The following MAP7 variants were observed in gnomAD, a reference collection of about 807,000 sequenced individuals.
MAP7 encodes ensconsin.
In MAP7, 52 loss-of-function variants were observed where a neutral mutation model predicts 94.8. That is an observed-to-expected ratio of 0.55 (90% CI 0.44 to 0.69). The LOEUF (loss-of-function observed/expected upper bound fraction) is 0.69. Among genes scored for constraint, MAP7 ranks in the 30% least tolerant of loss-of-function variants. The pLI is 0.00. For synonymous variants in MAP7, 350 were observed against 357.0 expected, an observed-to-expected ratio of 0.98 and a Z score of 0.22; for missense variants, 940 against 964.6, an observed-to-expected ratio of 0.97 and a Z score of 0.34.
At chr6:136,355,491 T>A (rs1051833732) in intron 16 of MAP7, among the ~76,000 whole-genome samples, 2 of 152,122 alleles carry the variant, frequency 1.3e-5, no homozygotes, top group Non-Finnish European at 1.5e-5. Flanking sequence ...AATTCCACAG[T>A]CTCAGAAAGA....
chr6:136,388,000 T>C (rs1204577888), intron 5 of MAP7, among the ~76,000 whole-genome samples: 1 of 152,212 alleles, frequency 6.6e-6, no homozygotes, highest in African/African-American at 2.4e-5. Flanking sequence ...CATAAGCTCA[T>C]AGTATTGATT....
At chr6:136,382,190 T>C (rs908056855) in intron 6 of MAP7, among the ~76,000 whole-genome samples, 1 of 152,216 alleles carries the variant, frequency 6.6e-6, no homozygotes, top group African/African-American at 2.4e-5. Context: ...AGAATACATC[T>C]TTCTAATTGA....
chr6:136,349,804 C>A (rs1002399548), intron 16 of MAP7, among the ~76,000 whole-genome samples: 1 of 152,002 alleles, frequency 6.6e-6, no homozygotes, highest in Non-Finnish European at 1.5e-5. Context: ...GGCTTTGGGG[C>A]AAAGGGGCCA....
intron 6 of MAP7, among the ~76,000 whole-genome samples, chr6:136,379,888 A>G (rs781398252): frequency 4.6e-5 from 7 of 152,240 alleles, no homozygotes; most frequent in Non-Finnish European, 8.8e-5. Context: ...TAGGAGAAAC[A>G]TGTTTCCACT....
At chr6:136,525,996 T>C in intron 1 of MAP7, 1 of 1,490,014 alleles carries the variant, frequency 6.7e-7, no homozygotes, top group Non-Finnish European at 8.8e-7. Flanking sequence ...TTTTTTTAAT[T>C]GTGATTATAT....
chr6:136,372,809 C>T (rs941883620), intron 7 of MAP7, among the ~76,000 whole-genome samples, 184 bp from the exon 8 acceptor site: 3 of 152,102 alleles, frequency 2.0e-5, no homozygotes, highest in African/African-American at 7.2e-5. Context: ...ACTCAACTGT[C>T]CTTACAGTCC....
chr6:136,535,612 G>A (rs950033313), intron 1 of MAP7, among the ~76,000 whole-genome samples: 1 of 152,104 alleles, frequency 6.6e-6, no homozygotes, highest in African/African-American at 2.4e-5. Context: ...AAGCCACACT[G>A]AGAATTGTCA....
intron 1 of MAP7, among the ~76,000 whole-genome samples, chr6:136,493,733 C>T (rs769056770): frequency 3.3e-5 from 5 of 152,144 alleles, no homozygotes; most frequent in Non-Finnish European, 7.4e-5. Context: ...AGCATTGTAT[C>T]GTTCTCATTG....
intron 1 of MAP7, among the ~76,000 whole-genome samples, chr6:136,448,291 C>G (rs998237127): frequency 6.6e-6 from 1 of 152,194 alleles, no homozygotes; most frequent in Admixed American, 6.5e-5. Flanking sequence ...GCGGGAAAAA[C>G]ATTACATATG....
intron 1 of MAP7, among the ~76,000 whole-genome samples, chr6:136,536,823 A>T (rs1828924473): frequency 6.6e-6 from 1 of 152,256 alleles, no homozygotes; most frequent in Admixed American, 6.5e-5. Context: ...ATGTTTCCAG[A>T]TAGGTACATC....
At chr6:136,496,362 T>G (rs974591097) in intron 1 of MAP7, among the ~76,000 whole-genome samples, 1 of 152,194 alleles carries the variant, frequency 6.6e-6, no homozygotes. Flanking sequence ...AACTAATAAA[T>G]GGATAGGATG....
intron 5 of MAP7, among the ~76,000 whole-genome samples, chr6:136,384,141 G>A (rs1444896705): frequency 6.6e-6 from 1 of 152,106 alleles, no homozygotes; most frequent in Non-Finnish European, 1.5e-5. Context: ...TCCAAAAGAA[G>A]GAACAATGGA....
At chr6:136,461,634 A>C (rs1805249116) in intron 1 of MAP7, among the ~76,000 whole-genome samples, 1 of 152,206 alleles carries the variant, frequency 6.6e-6, no homozygotes, top group African/African-American at 2.4e-5. Context: ...ACGATCCAGA[A>C]ATGGATTAAG....
intron 1 of MAP7, among the ~76,000 whole-genome samples, chr6:136,473,324 C>T (rs1451484294): frequency 2.0e-5 from 3 of 152,182 alleles, no homozygotes; most frequent in African/African-American, 7.2e-5. Context: ...TCAAGAAACA[C>T]CCTAAACTGC....
intron 3 of MAP7, among the ~76,000 whole-genome samples, chr6:136,400,189 G>T (rs573291010): frequency 1.3e-5 from 2 of 152,190 alleles, no homozygotes; most frequent in East Asian, 3.9e-4. Flanking sequence ...GGCTGAGGCG[G>T]GCAGATCACG....
rs189496899 is a variant in MAP7 at position 136,494,217 on chromosome 6, G to A, written c.67+56125C>T. ...AGACTGTTACTTAGGAAACAGAAATGGGAAATGTGAAGATTTGCTACAAGA... is the reference window on the plus strand; with the variant it reads ...AGACTGTTACTTAGGAAACAGAAATAGGAAATGTGAAGATTTGCTACAAGA... On this transcript the variant is annotated intron_variant, in intron 1 of 17. Coordinates refer to ENST00000354570, the MANE Select transcript of MAP7 (RefSeq NM_003980.6). Among the ~76,000 whole-genome samples, 121 of 152,290 alleles carry A rather than the reference G, an allele frequency of 7.9e-4. No individual in the cohort carries two copies. The Middle Eastern group carries it at 0.031, about 39-fold the overall frequency.
intron 1 of MAP7, among the ~76,000 whole-genome samples, chr6:136,534,570 T>C (rs1302584258): frequency 6.6e-6 from 1 of 152,232 alleles, no homozygotes; most frequent in Non-Finnish European, 1.5e-5. Context: ...AAGCATGCCA[T>C]TCAAAAGTCA....
At chr6:136,420,631 T>C (rs1257795114) in intron 2 of MAP7, among the ~76,000 whole-genome samples, 1 of 152,170 alleles carries the variant, frequency 6.6e-6, no homozygotes, top group Non-Finnish European at 1.5e-5. Flanking sequence ...GATGGATAAA[T>C]GACTCAATGA....
chr6:136,431,399 T>A (rs1794841452), intron 1 of MAP7, among the ~76,000 whole-genome samples: 2 of 152,188 alleles, frequency 1.3e-5, no homozygotes, highest in Admixed American at 6.5e-5. Context: ...GTAACATTTC[T>A]CTCTTGGAAA....
Sources: gnomAD v4.1 joint callset for allele counts (sites outside exome capture counted in the v4.1 genomes callset) on GRCh38, gnomAD v4.1.1 for gene constraint, MANE v1.5 for transcripts, NCBI Gene and HGNC (gene_info 2026-07-23, HGNC 2026-07-21) for gene names.